Variants in DDX60 observed in about 807,000 individuals in gnomAD.
DDX60 encodes the protein DExD/H-box helicase 60.
DDX60 carries 165 observed loss-of-function variants against 212.8 expected under a neutral mutation model. The ratio of observed to expected loss-of-function variants is 0.78; its 90% confidence interval spans 0.68 to 0.88. The LOEUF is 0.88. Ranked by LOEUF, DDX60 falls within the 40% of genes least tolerant of loss-of-function variation. DDX60 has a pLI of 0.00. For synonymous variants in DDX60, 703 were observed against 685.3 expected (o/e 1.03, Z -0.40); for missense variants, 1,905 against 2,003.9 (o/e 0.95, Z 0.94).
chr4:168,255,956 A>G lies in DDX60; in HGVS notation c.3399-87T>C. On this transcript the variant is annotated intron_variant, in intron 25 of 37. Transcript: ENST00000393743. ...TTCCATCTACTACTATCATCCCGAC[A>G]TCTGCCTGTTGGGTTTTTAATACCC... 8.0e-6 allele frequency: 11 copies of G among 1,378,990 alleles called. No individual in the cohort carries two copies. In the South Asian group the frequency reaches 1.7e-4, roughly 21 times the overall value. 85.4% of individuals were successfully genotyped at this position (1,378,990 alleles called of 1,614,324 possible).
At chr4:168,285,041 T>C (rs1735760470) in intron 11 of DDX60, 106 bp from the exon 12 acceptor site, 1 of 604,614 alleles carries the variant, frequency 1.7e-6, no homozygotes, top group African/African-American at 1.9e-5. Context: ...CCTTCTTCTT[T>C]CTGCAATATG....
intron 1 of DDX60, among the ~76,000 whole-genome samples, chr4:168,313,583 T>G (rs555926552): frequency 6.6e-6 from 1 of 152,104 alleles, no homozygotes; most frequent in African/African-American, 2.4e-5. Context: ...AAAAAATGGG[T>G]CAGTGAGAAC....
At chr4:168,248,347 G>C (rs1360310634) in intron 28 of DDX60, 55 bp from the exon 29 acceptor site, 9 of 1,310,706 alleles carry the variant, frequency 6.9e-6, no homozygotes, top group Non-Finnish European at 7.3e-6. Flanking sequence ...TAGAATGCAA[G>C]TATTTCCTGT....
intron 6 of DDX60, among the ~76,000 whole-genome samples, 184 bp from the exon 7 acceptor site, chr4:168,294,129 T>TA (rs948068541): frequency 2.0e-5 from 3 of 151,938 alleles, no homozygotes; most frequent in African/African-American, 7.3e-5. Flanking sequence ...AACTTAAAGT[T>TA]AAAAAAATGA....
intron 13 of DDX60, among the ~76,000 whole-genome samples, chr4:168,282,427 G>A (rs987545411): frequency 7.2e-5 from 11 of 152,034 alleles, no homozygotes; most frequent in East Asian, 1.9e-4. Flanking sequence ...CAAAATTTTC[G>A]CAAAAGTAAT....
chr4:168,274,597 G>C (rs575536538), intron 16 of DDX60, among the ~76,000 whole-genome samples: 1 of 152,096 alleles, frequency 6.6e-6, no homozygotes, highest in Non-Finnish European at 1.5e-5. Flanking sequence ...AACCCCAACC[G>C]GTCCACTCCC....
At chr4:168,217,144 G>A in intron 37 of DDX60, 112 bp from the exon 38 acceptor site, 1 of 640,924 alleles carries the variant, frequency 1.6e-6, no homozygotes, top group Non-Finnish European at 2.7e-6. Context: ...ATGAAATTAT[G>A]TTAGCAAAAT....
intron 3 of DDX60, among the ~76,000 whole-genome samples, chr4:168,308,921 A>G (rs1737011257): frequency 6.6e-6 from 1 of 152,202 alleles, no homozygotes; most frequent in South Asian, 2.1e-4. Flanking sequence ...AGTCTATTTT[A>G]GCATTTACTG....
intron 30 of DDX60, among the ~76,000 whole-genome samples, chr4:168,246,199 T>A (rs1483881017): frequency 6.6e-6 from 1 of 152,194 alleles, no homozygotes; most frequent in African/African-American, 2.4e-5. Context: ...TAATTTTCAG[T>A]GCCCATCCAG....
At chr4:168,273,874 A>G (rs1579032251) in intron 17 of DDX60, 60 bp downstream of exon 17, 3 of 1,543,596 alleles carry the variant, frequency 1.9e-6, no homozygotes, top group Non-Finnish European at 1.8e-6. Flanking sequence ...GACCATGTTC[A>G]TTATTTTTAA....
intron 7 of DDX60, 143 bp from the exon 8 acceptor site, chr4:168,292,049 C>CCTTTTTTTTTTTTTTT (rs1553970663): frequency 3.5e-6 from 1 of 284,572 alleles, no homozygotes; most frequent in African/African-American, 2.9e-5. Context: ...TTCTTTCTTT[C>CCTTTTTTTTTTTTTTT]TTTTTTTTTT....
intron 23 of DDX60, 78 bp downstream of exon 23, chr4:168,262,605 G>C (rs746107581): frequency 2.9e-5 from 26 of 902,944 alleles, no homozygotes; most frequent in Non-Finnish European, 4.3e-5. Flanking sequence ...AAGATTAGAT[G>C]CCAGTGATTA....
At chr4:168,264,493 A>G (rs902587236) in intron 22 of DDX60, among the ~76,000 whole-genome samples, 1 of 152,102 alleles carries the variant, frequency 6.6e-6, no homozygotes, top group African/African-American at 2.4e-5. Flanking sequence ...AAAACATACA[A>G]TAAATCCAAG....
At chr4:168,321,754 T>C (rs181713376), upstream of DDX60, among the ~76,000 whole-genome samples, 60 of 152,294 alleles carry the variant, frequency 3.9e-4, no homozygotes, top group Non-Finnish European at 2.2e-4. Flanking sequence ...TCCTAGCCCA[T>C]CATTCTTCAG....
At chr4:168,243,196 C>T (rs1179255913) in intron 30 of DDX60, among the ~76,000 whole-genome samples, 3 of 152,090 alleles carry the variant, frequency 2.0e-5, no homozygotes, top group Non-Finnish European at 2.9e-5. Context: ...TCTTTATCAG[C>T]AGCATGAACA....
In DDX60 at chr4:168,267,624, A is replaced by G; in HGVS notation, c.2997T>C (p.His999=). ...HVCSIKHGDI[H]FDHFHPCAAL... ...CAGCACATGGGTGAAAATGATCAAA[A>G]TGAATGTCACCATGTTTTATTGAAC... Residue 999 remains histidine (H), a synonymous_variant, in exon 22 of 38, where the codon CAT becomes CAC. Coordinates refer to ENST00000393743, the MANE Select transcript of DDX60 (RefSeq NM_017631.6). 1 of 1,602,930 alleles carries G rather than the reference A, an allele frequency of 6.2e-7. No homozygotes were observed. Among genetic ancestry groups the G allele is most frequent in the South Asian group, 1.1e-5 (1 of 88,216 alleles).
intron 22 of DDX60, among the ~76,000 whole-genome samples, chr4:168,266,065 A>T (rs1734836374): frequency 6.6e-6 from 1 of 152,172 alleles, no homozygotes; most frequent in Non-Finnish European, 1.5e-5. Context: ...CCATAACAAA[A>T]TCCTATTAGA....
At chr4:168,311,554 G>A (rs906850554) in intron 1 of DDX60, among the ~76,000 whole-genome samples, 189 bp from the exon 2 acceptor site, 9 of 152,098 alleles carry the variant, frequency 5.9e-5, no homozygotes, top group African/African-American at 1.9e-4. Flanking sequence ...TTGCAAAAAC[G>A]ACAAAGTCAA....
chr4:168,289,271 C>T (rs974689480), intron 8 of DDX60, among the ~76,000 whole-genome samples: 1 of 152,180 alleles, frequency 6.6e-6, no homozygotes, highest in African/African-American at 2.4e-5. Context: ...TTTCAGTCCT[C>T]AACCTATTAC....
Sources: gnomAD v4.1 joint callset for allele counts (sites outside exome capture counted in the v4.1 genomes callset) on GRCh38, gnomAD v4.1.1 for gene constraint, MANE v1.5 for transcripts, NCBI Gene and HGNC (gene_info 2026-07-23, HGNC 2026-07-21) for gene names.